Variants in AP3B1 observed in about 807,000 individuals in gnomAD.
AP3B1 encodes AP-3 complex subunit beta-1.
Under a neutral mutation model 132.5 loss-of-function variants are expected in AP3B1, and 61 were observed. The observed-to-expected ratio is 0.46, with a 90% CI of 0.37 to 0.57. The LOEUF (loss-of-function observed/expected upper bound fraction) is 0.57. Ranked by LOEUF, AP3B1 falls within the 20% of genes least tolerant of loss-of-function variation. The probability of loss-of-function intolerance (pLI) is 0.00; values close to 1 mark genes in which losing one functional copy is unlikely to be tolerated. For missense variants in AP3B1, 1,120 were observed against 1,289.4 expected, an observed-to-expected ratio of 0.87 and a Z score of 2.01; for synonymous variants, 388 against 438.3, an observed-to-expected ratio of 0.89 and a Z score of 1.43.
chr5:78,241,545 G>C (rs1747141824), intron 2 of AP3B1, among the ~76,000 whole-genome samples: 3 of 152,122 alleles, frequency 2.0e-5, no homozygotes, highest in African/African-American at 7.2e-5. Context: ...CTAATTATGT[G>C]AACCTTTGCT....
At chr5:78,265,707 C>A (rs761112353) in intron 2 of AP3B1, among the ~76,000 whole-genome samples, 34 of 152,174 alleles carry the variant, frequency 2.2e-4, no homozygotes, top group Non-Finnish European at 4.6e-4. Context: ...GCTTCATGCT[C>A]TTCAACAAAA....
At chr5:78,273,282 G>A (rs1748629387) in intron 1 of AP3B1, among the ~76,000 whole-genome samples, 1 of 152,144 alleles carries the variant, frequency 6.6e-6, no homozygotes, top group South Asian at 2.1e-4. Flanking sequence ...ACATGCGCCT[G>A]TAATCCCAGC....
rs542484049 is a variant in AP3B1 at position 78,203,103 on chromosome 5, A to T, written c.786+12952T>A. ...TAATGAGAAACTAGCTGTTGATCTT[A>T]TTGAGGAAACCTTGTAAATAATGAG... On this transcript the variant is annotated intron_variant, in intron 7 of 26. Coordinates refer to ENST00000255194, the MANE Select transcript of AP3B1 (RefSeq NM_003664.5). 2.1e-4 allele frequency among the ~76,000 whole-genome samples: 32 copies of T among 152,198 alleles called. 1 individual carries two copies. The South Asian group carries it at 6.2e-3, about 30-fold the overall frequency.
intron 22 of AP3B1, among the ~76,000 whole-genome samples, chr5:78,053,891 A>C (rs252795): frequency 0.16 from 22,624 of 145,890 alleles, 2,170 homozygotes; most frequent in Admixed American, 0.29. Context: ...TAACTCCTTC[A>C]TACACTCAGC....
chr5:78,126,546 G>T, intron 17 of AP3B1, among the ~76,000 whole-genome samples: 1 of 138,878 alleles, frequency 7.2e-6, no homozygotes, highest in Non-Finnish European at 1.6e-5. Context: ...GCACAAATAA[G>T]GCAACTCTTT....
chr5:78,205,080 A>T (rs1745449518), intron 7 of AP3B1, among the ~76,000 whole-genome samples: 1 of 152,190 alleles, frequency 6.6e-6, no homozygotes, highest in South Asian at 2.1e-4. Context: ...TTTCTCTTGG[A>T]ACTGTGACTT....
chr5:78,101,965 GTTTA>G (rs1218789552), intron 20 of AP3B1, among the ~76,000 whole-genome samples: 1 of 151,824 alleles, frequency 6.6e-6, no homozygotes, highest in African/African-American at 2.4e-5. Context: ...AAATGTTTTT[GTTTA>G]TTTAATCATT....
At chr5:78,090,884 C>G (rs1382007508) in intron 21 of AP3B1, among the ~76,000 whole-genome samples, 4 of 151,968 alleles carry the variant, frequency 2.6e-5, no homozygotes, top group African/African-American at 9.7e-5. Flanking sequence ...CAATCCCTTC[C>G]TGGGCCCAAG....
At position 78,228,041 on chromosome 5, in the gene AP3B1, A is replaced by C; in HGVS notation, c.375+103T>G. On this transcript the variant is annotated intron_variant, in intron 4 of 26. Transcript: ENST00000255194. ...AGGAGGCTTTTAACTCTTTCAAGAC[A>C]CTACTGTGCTATTTAGTGGATTATC... 4.2e-6 allele frequency: 3 copies of C among 718,044 alleles called. No homozygotes were observed. In the Middle Eastern group the frequency reaches 7.3e-4, roughly 175 times the overall value. The allele number at this position is 718,044 out of a possible 1,614,324, so 44.5% of individuals were successfully genotyped here.
chr5:78,160,032 T>C (rs1321020286), intron 13 of AP3B1, among the ~76,000 whole-genome samples: 1 of 152,220 alleles, frequency 6.6e-6, no homozygotes, highest in Non-Finnish European at 1.5e-5. Flanking sequence ...TGTAACATTC[T>C]ACATAGGTGG....
intron 2 of AP3B1, among the ~76,000 whole-genome samples, chr5:78,264,629 T>C (rs896114113): frequency 6.6e-6 from 1 of 152,174 alleles, no homozygotes; most frequent in Non-Finnish European, 1.5e-5. Flanking sequence ...CCAATAATTT[T>C]TTAAAAGATG....
chr5:78,263,902 T>G (rs1191630044), intron 2 of AP3B1, among the ~76,000 whole-genome samples: 2 of 152,222 alleles, frequency 1.3e-5, no homozygotes, highest in Non-Finnish European at 2.9e-5. Flanking sequence ...GTATCTTTAC[T>G]GTAACTTTCT....
chr5:78,182,051 C>CA (rs980179957), intron 7 of AP3B1, among the ~76,000 whole-genome samples: 3 of 151,574 alleles, frequency 2.0e-5, no homozygotes, highest in East Asian at 3.9e-4. Flanking sequence ...ATCAAAGAGT[C>CA]AAAAAAAGAG....
chr5:78,279,129 G>A (rs762230761), intron 1 of AP3B1, among the ~76,000 whole-genome samples: 11 of 152,066 alleles, frequency 7.2e-5, no homozygotes, highest in Non-Finnish European at 1.6e-4. Flanking sequence ...ATATATGATC[G>A]TTTAATTTTT....
chr5:78,228,027 A>C (rs568511803), intron 4 of AP3B1, 117 bp downstream of exon 4: 2 of 643,398 alleles, frequency 3.1e-6, no homozygotes, highest in South Asian at 5.0e-5. Flanking sequence ...GGAGGCTTTT[A>C]ACTCTTTCAA....
chr5:78,234,625 T>C (rs1162600588), intron 3 of AP3B1, among the ~76,000 whole-genome samples: 1 of 152,240 alleles, frequency 6.6e-6, no homozygotes, highest in Non-Finnish European at 1.5e-5. Flanking sequence ...AATATGTATT[T>C]AACTAAGTAA....
At chr5:78,190,422 G>A (rs1227359195) in intron 7 of AP3B1, among the ~76,000 whole-genome samples, 1 of 152,176 alleles carries the variant, frequency 6.6e-6, no homozygotes, top group Non-Finnish European at 1.5e-5. Flanking sequence ...TTAATGAAAT[G>A]AAGGAGATGA....
chr5:78,003,804 A>C (rs1193766241), intron 26 of AP3B1, among the ~76,000 whole-genome samples: 2 of 152,260 alleles, frequency 1.3e-5, no homozygotes, highest in African/African-American at 4.8e-5. Flanking sequence ...CGGAACTAAA[A>C]GCAAAACTAG....
At chr5:78,173,908 G>A (rs1471933090) in intron 11 of AP3B1, among the ~76,000 whole-genome samples, 5 of 151,914 alleles carry the variant, frequency 3.3e-5, no homozygotes, top group South Asian at 2.1e-4. Flanking sequence ...CTATAACCTC[G>A]TCTTCTCACT....
Sources: gnomAD v4.1 joint callset for allele counts (sites outside exome capture counted in the v4.1 genomes callset) on GRCh38, gnomAD v4.1.1 for gene constraint, MANE v1.5 for transcripts, NCBI Gene and HGNC (gene_info 2026-07-23, HGNC 2026-07-21) for gene names.